NFYB: variants seen among roughly 807,000 people sequenced by gnomAD.
The protein encoded by NFYB is nuclear transcription factor Y subunit beta.
NFYB carries 13 observed loss-of-function variants against 28.0 expected under a neutral mutation model. The observed-to-expected ratio is 0.46, with a 90% CI of 0.30 to 0.74. NFYB has a LOEUF of 0.74. NFYB is among the 30% of genes least tolerant of loss of function. The pLI, the probability that NFYB is intolerant of heterozygous loss-of-function variation, is 0.07. For missense variants in NFYB, 142 were observed against 247.6 expected (o/e 0.57, Z 2.86); for synonymous variants, 74 against 75.0 (o/e 0.99, Z 0.07).
rs2030365178 is a variant in NFYB, at chr12:104,118,957, A to G, written c.*780T>C. 6.6e-6 allele frequency: 1 copy of G among 152,226 alleles called. No homozygotes were observed. The highest frequency in any genetic ancestry group is 2.4e-5 in the African/African-American group (1 of 41,456). The allele number at this position is 152,226 out of a possible 1,614,324, so 9.4% of individuals were successfully genotyped here. On this transcript the variant is annotated 3_prime_UTR_variant, in exon 8 of 8. Coordinates refer to ENST00000240055, the MANE Select transcript of NFYB (RefSeq NM_006166.4). ...AAATCATGTACCAAATGAAAGGGGC[A>G]CCATTTCAAGAGCACTAGGACTACA...
At chr12:104,135,727 T>G (rs1192024942) in intron 1 of NFYB, among the ~76,000 whole-genome samples, 195 bp from the exon 2 acceptor site, 1 of 152,228 alleles carries the variant, frequency 6.6e-6, no homozygotes, top group Non-Finnish European at 1.5e-5. Flanking sequence ...CTTGAAAGAT[T>G]TATTTTGGAG....
In NFYB at chr12:104,135,454, G is replaced by C. The variant is rs2031067299; in HGVS notation, c.-1C>G. On this transcript the variant is annotated 5_prime_UTR_variant, in exon 2 of 8. Coordinates refer to ENST00000240055, the MANE Select transcript of NFYB (RefSeq NM_006166.4). ...AATGGTAAAATATACTTACTGTCAT[G>C]AAATACTGTCAGAACCGTGTTGTCA... The C allele has an allele frequency of 3.8e-6, 6 of 1,590,664 alleles. No homozygotes were observed. Among genetic ancestry groups the C allele is most frequent in the Non-Finnish European group, 5.1e-6 (6 of 1,171,086 alleles).
At position 104,119,740 on chromosome 12, in the gene NFYB, T is replaced by A. The variant is rs750868091; in HGVS notation, c.621A>T (p.Ser207=). Residue 207 remains serine (S), a synonymous_variant, in exon 8 of 8, where the codon TCA becomes TCT. Coordinates refer to ENST00000240055, the MANE Select transcript of NFYB (RefSeq NM_006166.4). ...CCCATTCCATCATTTCTTCAGATCA[T>A]GAAAACTGAATTTGCTGAACACCAG... ...QISGVQQIQF[S] is the part of the protein sequence containing the mutation. 5.0e-6 allele frequency: 8 copies of A among 1,603,356 alleles called. No individual in the cohort carries two copies. Among genetic ancestry groups the A allele is most frequent in the Non-Finnish European group, 6.8e-6 (8 of 1,171,302 alleles).
intron 2 of NFYB, chr12:104,131,656 T>C (rs2030926125): frequency 4.6e-6 from 2 of 430,960 alleles, no homozygotes; most frequent in East Asian, 7.1e-5. Context: ...AAAGGTTTTT[T>C]CTAGGTCTAA....
At chr12:104,120,340 C>T in intron 7 of NFYB, 60 bp downstream of exon 7, 2 of 1,409,854 alleles carry the variant, frequency 1.4e-6, no homozygotes, top group Non-Finnish European at 2.0e-6. Flanking sequence ...CAGGCATGAG[C>T]CATGGGGCCC....
At chr12:104,137,237 T>C (rs76066636) in intron 1 of NFYB, 8,369 of 152,230 alleles carry the variant, frequency 0.055, 266 homozygotes, top group South Asian at 0.11. Context: ...TTAGAGTGCT[T>C]TGGGCGAGAT....
At chr12:104,124,849 TCCTTAAAACATAAGGACA>T (rs2030621626) in intron 4 of NFYB, among the ~76,000 whole-genome samples, 1 of 152,190 alleles carries the variant, frequency 6.6e-6, no homozygotes, top group South Asian at 2.1e-4. Context: ...TGCTTTTTTT[TCCTTAAAACATAAGGACA>T]AAATTCTCAA....
chr12:104,121,725 C>T (rs1288650982), intron 5 of NFYB, among the ~76,000 whole-genome samples: 1 of 152,168 alleles, frequency 6.6e-6, no homozygotes, highest in Non-Finnish European at 1.5e-5. Flanking sequence ...AGTACTGTAG[C>T]AAGCTGAGAG....
At chr12:104,130,229 CCCTT>C (rs2136665174) in intron 2 of NFYB, among the ~76,000 whole-genome samples, 1 of 152,304 alleles carries the variant, frequency 6.6e-6, no homozygotes, top group Admixed American at 6.5e-5. Context: ...AGAAATTTGA[CCCTT>C]CATTAAGGCC....
At chr12:104,131,541 T>G in intron 2 of NFYB, 2 of 346,120 alleles carry the variant, frequency 5.8e-6, no homozygotes, top group Non-Finnish European at 1.1e-5. Context: ...CTATGGCACT[T>G]AGTACCTTTC....
intron 3 of NFYB, 54 bp from the exon 4 acceptor site, chr12:104,126,298 AT>A: frequency 7.3e-7 from 1 of 1,360,838 alleles, no homozygotes; most frequent in Non-Finnish European, 9.7e-7. Flanking sequence ...CTATTTCAAG[AT>A]AGAAAAAACT....
At chr12:104,124,445 C>G (rs1486351683) in intron 4 of NFYB, among the ~76,000 whole-genome samples, 1 of 152,236 alleles carries the variant, frequency 6.6e-6, no homozygotes, top group Non-Finnish European at 1.5e-5. Context: ...CCGAAACACA[C>G]TGTCTTTCAC....
At chr12:104,133,451 G>A (rs752928181) in intron 2 of NFYB, among the ~76,000 whole-genome samples, 10 of 152,210 alleles carry the variant, frequency 6.6e-5, no homozygotes, top group East Asian at 3.8e-4. Context: ...CACCCTGGAC[G>A]ACGGTGAGGA....
At chr12:104,131,214 T>C (rs180823399) in intron 2 of NFYB, 5 of 152,482 alleles carry the variant, frequency 3.3e-5, no homozygotes, top group Admixed American at 3.3e-4. Context: ...ATAAAAGTAT[T>C]TCCTAGAGTT....
At chr12:104,125,539 A>C (rs1366728488) in intron 4 of NFYB, among the ~76,000 whole-genome samples, 1 of 151,386 alleles carries the variant, frequency 6.6e-6, no homozygotes, top group Non-Finnish European at 1.5e-5. Context: ...GATAGTTCTG[A>C]CAACGTACCT....
chr12:104,119,567 G>T lies in NFYB; in HGVS notation c.*170C>A. 6.1e-6 allele frequency: 3 copies of T among 491,040 alleles called. No homozygotes were observed. In the East Asian group the frequency reaches 9.0e-5, roughly 15 times the overall value. 30.4% of individuals were successfully genotyped at this position (491,040 alleles called of 1,614,324 possible). A position where few individuals can be genotyped will look rare whatever the true frequency, so the allele number is the denominator to read the frequency against. ...TTTCTTTAAAATCATTCATGAAAAAGATTCTCAAGTCAGAATTAACACCTC... is the reference window on the plus strand; with the variant it reads ...TTTCTTTAAAATCATTCATGAAAAATATTCTCAAGTCAGAATTAACACCTC... On this transcript the variant is annotated 3_prime_UTR_variant, in exon 8 of 8. Transcript: ENST00000240055.
intron 2 of NFYB, chr12:104,131,942 G>A (rs2030940211): frequency 1.4e-5 from 5 of 356,800 alleles, no homozygotes; most frequent in South Asian, 8.4e-5. Flanking sequence ...CACTTACCAT[G>A]AGACCGTGAA....
chr12:104,122,579 G>C (rs1385039955), intron 5 of NFYB, among the ~76,000 whole-genome samples: 1 of 152,190 alleles, frequency 6.6e-6, no homozygotes, highest in Non-Finnish European at 1.5e-5. Context: ...ACCCTATTGT[G>C]AACTGCGCAT....
At chr12:104,130,926 G>C (rs2030899566) in intron 2 of NFYB, among the ~76,000 whole-genome samples, 1 of 152,144 alleles carries the variant, frequency 6.6e-6, no homozygotes, top group African/African-American at 2.4e-5. Flanking sequence ...GGGGTGGGGA[G>C]GGCAGGCGGT....
Sources: gnomAD v4.1 joint callset for allele counts (sites outside exome capture counted in the v4.1 genomes callset) on GRCh38, gnomAD v4.1.1 for gene constraint, MANE v1.5 for transcripts, NCBI Gene and HGNC (gene_info 2026-07-23, HGNC 2026-07-21) for gene names.